The following HECW2 variants were observed in gnomAD, a reference collection of about 807,000 sequenced individuals.
HECW2 encodes HECT, C2 and WW domain containing E3 ubiquitin protein ligase 2.
Under a neutral mutation model 175.2 loss-of-function variants are expected in HECW2, and 61 were observed. The ratio of observed to expected loss-of-function variants is 0.35; its 90% CI spans 0.28 to 0.43. The LOEUF (loss-of-function observed/expected upper bound fraction) is 0.43. HECW2 is among the 20% of genes least tolerant of loss of function. The pLI, the probability that HECW2 is intolerant of heterozygous loss-of-function variation, is 1.00. For missense variants in HECW2, 1,524 were observed against 2,000.5 expected (o/e 0.76, Z 4.54); for synonymous variants, 671 against 731.0 (o/e 0.92, Z 1.32).
intron 12 of HECW2, 105 bp from the exon 13 acceptor site, chr2:196,306,717 T>A: frequency 9.0e-7 from 1 of 1,106,872 alleles, no homozygotes; most frequent in Non-Finnish European, 1.2e-6. Context: ...GATACCTACA[T>A]CATGTGTCAT....
At chr2:196,241,235 G>C (rs1688441980) in intron 20 of HECW2, among the ~76,000 whole-genome samples, 1 of 152,224 alleles carries the variant, frequency 6.6e-6, no homozygotes, top group East Asian at 1.9e-4. Flanking sequence ...GAGGCTGAAT[G>C]CATGACAGCT....
intron 4 of HECW2, 37 bp from the exon 5 acceptor site, chr2:196,329,687 C>A: frequency 6.5e-7 from 1 of 1,534,794 alleles, no homozygotes. Context: ...GTTTCAGAAG[C>A]ATATGATGCC....
In HECW2 at chr2:196,306,618, TG is replaced by T. The variant is rs752975728; in HGVS notation, c.2690-7del. 1 of 1,610,776 alleles carries T rather than the reference TG, an allele frequency of 6.2e-7. No homozygotes were observed. The highest frequency in any genetic ancestry group is 2.2e-5 in the East Asian group (1 of 44,732). ...GATGTTCTCCCGTCGGAAATCTAGA[TG>T]GGGCAGACCACAGAGGCGGTCAGGG... On this transcript the variant is annotated splice_region_variant and splice_polypyrimidine_tract_variant and intron_variant, in intron 12 of 28. Transcript: ENST00000644978.
rs557345610 is a variant in HECW2 at position 196,501,498 on chromosome 2, G to A, written c.-35-68040C>T. ...ACTCCTGACCTCAAGTGATCTGCCCGCCTCAGCCTCCCAAAGTGCTAGGAG... is the reference window on the plus strand; with the variant it reads ...ACTCCTGACCTCAAGTGATCTGCCCACCTCAGCCTCCCAAAGTGCTAGGAG... On this transcript the variant is annotated intron_variant, in intron 1 of 28. Coordinates refer to ENST00000644978, the MANE Select transcript of HECW2 (RefSeq NM_001348768.2). Among the ~76,000 whole-genome samples the A allele has an allele frequency of 4.1e-3, 628 of 152,110 alleles. 3 individuals are homozygous for A. The highest frequency in any genetic ancestry group is 7.4e-3 in the Non-Finnish European group (504 of 67,994).
intron 1 of HECW2, among the ~76,000 whole-genome samples, chr2:196,532,592 C>T (rs1273899144): frequency 6.6e-6 from 1 of 151,962 alleles, no homozygotes; most frequent in African/African-American, 2.4e-5. Context: ...TAAAACTGCA[C>T]ATTCTGCACA....
At chr2:196,240,381 G>T in intron 21 of HECW2, 68 bp downstream of exon 21, 1 of 1,124,108 alleles carries the variant, frequency 8.9e-7, no homozygotes, top group Non-Finnish European at 1.3e-6. Flanking sequence ...CAACCACAGC[G>T]ACGTGGAGAA....
intron 1 of HECW2, among the ~76,000 whole-genome samples, chr2:196,506,905 C>A (rs1687778734): frequency 6.6e-6 from 1 of 151,804 alleles, no homozygotes; most frequent in African/African-American, 2.4e-5. Flanking sequence ...CCCAGGTATA[C>A]AAAATTTTAA....
chr2:196,253,973 C>T lies in HECW2; in HGVS notation c.3476G>A (p.Ser1159Asn), dbSNP rs779929875. 5.0e-6 allele frequency: 8 copies of T among 1,613,926 alleles called. No individual in the cohort carries two copies. In the East Asian group the frequency reaches 1.1e-4, roughly 22 times the overall value. Residue 1159 changes from serine to asparagine, a missense_variant, in exon 19 of 29, where the codon AGC becomes AAC. Ser to Asn is a conservative substitution (Grantham distance 46). Transcript: ENST00000644978. ...AGAGCCACGTGGGGACTGACAGTAG[C>T]TGGGGTGGAGTAAGGCATGTGGAGG... ...YVPPHALLHPSYCQSPRGSPV... is the reference protein window; with the variant it reads ...YVPPHALLHPNYCQSPRGSPV...
chr2:196,256,321 A>G (rs1326667382), intron 18 of HECW2, among the ~76,000 whole-genome samples: 1 of 152,220 alleles, frequency 6.6e-6, no homozygotes, highest in Non-Finnish European at 1.5e-5. Flanking sequence ...TTAGCTTTAC[A>G]GAACCTGCTT....
chr2:196,581,576 T>C (rs1462019189), intron 1 of HECW2, among the ~76,000 whole-genome samples: 1 of 152,060 alleles, frequency 6.6e-6, no homozygotes, highest in Non-Finnish European at 1.5e-5. Flanking sequence ...AGTACTGAAT[T>C]ATACACCTTA....
chr2:196,482,568 C>A (rs1470849883), intron 1 of HECW2, among the ~76,000 whole-genome samples: 1 of 152,094 alleles, frequency 6.6e-6, no homozygotes. Context: ...TGCTCCCAGA[C>A]TCCAACTAGG....
rs944674596 is a variant in HECW2, at chr2:196,522,032, G to C, written c.-36+71476C>G. On this transcript the variant is annotated intron_variant, in intron 1 of 28. Coordinates refer to ENST00000644978, the MANE Select transcript of HECW2 (RefSeq NM_001348768.2). Reference sequence around the variant, plus strand: ...ATGGCTGGGTCAAATGGTATTTCTAGTTCTAGATCCCTGAGGAATAACCAC... The same window carrying C: ...ATGGCTGGGTCAAATGGTATTTCTACTTCTAGATCCCTGAGGAATAACCAC... Among the ~76,000 whole-genome samples the C allele has an allele frequency of 7.6e-4, 116 of 152,106 alleles. 9 individuals carry two copies. Among genetic ancestry groups the C allele is most frequent in the Admixed American group, 6.5e-5 (1 of 15,280 alleles).
intron 1 of HECW2, among the ~76,000 whole-genome samples, chr2:196,535,058 A>C (rs1210522326): frequency 1.3e-5 from 2 of 152,124 alleles, no homozygotes; most frequent in African/African-American, 4.8e-5. Context: ...AACAAAAAAA[A>C]AAAAACAAAA....
intron 13 of HECW2, 142 bp downstream of exon 13, chr2:196,306,346 T>C (rs1691260768): frequency 2.5e-6 from 2 of 786,948 alleles, no homozygotes; most frequent in Admixed American, 6.5e-5. Context: ...GGTTAAAGTG[T>C]ACAGTGCTCA....
At chr2:196,520,956 T>C (rs893844223) in intron 1 of HECW2, among the ~76,000 whole-genome samples, 4 of 152,172 alleles carry the variant, frequency 2.6e-5, no homozygotes, top group Non-Finnish European at 2.9e-5. Flanking sequence ...TTAGGATTTA[T>C]AGAAGAAAGT....
At chr2:196,341,275 G>GAGTGATTTTGCCAAAATCACTCCAAAGTA (rs1692740200) in intron 3 of HECW2, among the ~76,000 whole-genome samples, 1 of 148,782 alleles carries the variant, frequency 6.7e-6, no homozygotes, top group African/African-American at 2.6e-5. Context: ...CAGCATTTTG[G>GAGTGATTTTGCCAAAATCACTCCAAAGTA]AGTGATTTTG....
intron 2 of HECW2, among the ~76,000 whole-genome samples, chr2:196,401,000 C>T (rs935861231): frequency 7.9e-5 from 12 of 152,152 alleles, no homozygotes; most frequent in African/African-American, 2.4e-5. Flanking sequence ...TAATTTATTT[C>T]GTTTCATGAT....
At chr2:196,294,111 C>A (rs1411206423) in intron 13 of HECW2, among the ~76,000 whole-genome samples, 1 of 152,136 alleles carries the variant, frequency 6.6e-6, no homozygotes, top group Non-Finnish European at 1.5e-5. Context: ...ACTATACCAC[C>A]ACACAGAAAA....
At chr2:196,201,790 T>A (rs1420451343) in intron 28 of HECW2, among the ~76,000 whole-genome samples, 1 of 152,168 alleles carries the variant, frequency 6.6e-6, no homozygotes, top group Non-Finnish European at 1.5e-5. Flanking sequence ...GGCATATGCC[T>A]GGGTGTCTCT....
Sources: allele counts gnomAD v4.1 joint callset (sites outside exome capture counted in the v4.1 genomes callset), GRCh38; gene constraint gnomAD v4.1.1; transcripts MANE v1.5; gene names NCBI Gene and HGNC (gene_info 2026-07-23, HGNC 2026-07-21).